The following CFAP99 variants were observed in gnomAD, a reference collection of about 807,000 sequenced individuals.
CFAP99 encodes cilia and flagella associated protein 99.
In CFAP99, 84 loss-of-function variants were observed where a neutral mutation model predicts 82.7. The observed-to-expected ratio is 1.02, with a 90% CI of 0.85 to 1.22. The LOEUF is 1.22. Among genes scored for constraint, CFAP99 ranks in the 50% most tolerant of loss-of-function variants. The pLI, the probability that CFAP99 is intolerant of heterozygous loss-of-function variation, is 0.00. For synonymous variants in CFAP99, 456 were observed against 429.5 expected, an observed-to-expected ratio of 1.06 and a Z score of -0.76; for missense variants, 1,059 against 983.5, an observed-to-expected ratio of 1.08 and a Z score of -1.03.
chr4:2,459,900 G>T, intron 13 of CFAP99, 137 bp from the exon 14 acceptor site: 1 of 740,722 alleles, frequency 1.4e-6, no homozygotes, highest in Non-Finnish European at 2.3e-6. Context: ...AGAGGCTGGG[G>T]GCATGTTTCA....
In CFAP99 at chr4:2,451,989, C is replaced by T. The variant is rs143860433; in HGVS notation, c.957-153C>T. Reference sequence around the variant, plus strand: ...ACCAGGGGATGGGTGGACAGTGGGTCGGGGATAGGAGGAAGGGCAGGCCAC... The same window carrying T: ...ACCAGGGGATGGGTGGACAGTGGGTTGGGGATAGGAGGAAGGGCAGGCCAC... On this transcript the variant is annotated intron_variant, in intron 10 of 14. Transcript: ENST00000635017. Among the ~76,000 whole-genome samples, 55 of 151,766 alleles carry T rather than the reference C, an allele frequency of 3.6e-4. No homozygotes were observed. The East Asian group carries it at 9.8e-3, about 27-fold the overall frequency.
At chr4:2,429,735 G>A (rs1413592092) in intron 2 of CFAP99, among the ~76,000 whole-genome samples, 1 of 152,112 alleles carries the variant, frequency 6.6e-6, no homozygotes, top group Admixed American at 6.5e-5. Flanking sequence ...GGGACTACAG[G>A]CGCCCGCCAC....
In CFAP99 at chr4:2,459,146, G is replaced by GCAGGGCGCAGGCAGCC; in HGVS notation, c.1348_1363dup (p.Glu455GlyfsTer13). ...GAGGAGAGCAGGGGGCTGCTGCAGC[G>GCAGGGCGCAGGCAGCC]CAGGGCGCAGGCAGCCCAGGAGGAG... On this transcript the variant is annotated frameshift_variant, in exon 13 of 15. Coordinates refer to ENST00000635017, the Ensembl canonical transcript of CFAP99. LOFTEE classifies it high-confidence loss of function. 2.6e-6 allele frequency: 4 copies of GCAGGGCGCAGGCAGCC among 1,534,402 alleles called. No homozygotes were observed. Among genetic ancestry groups the GCAGGGCGCAGGCAGCC allele is most frequent in the Non-Finnish European group, 1.7e-6 (2 of 1,146,084 alleles).
At chr4:2,450,434 G>T in intron 8 of CFAP99, 1 of 288,644 alleles carries the variant, frequency 3.5e-6, no homozygotes, top group Non-Finnish European at 6.7e-6. Context: ...CCCACCATGA[G>T]GGCAGGCCCG....
intron 4 of CFAP99, among the ~76,000 whole-genome samples, chr4:2,439,997 C>T (rs1244956225): frequency 1.3e-5 from 2 of 152,040 alleles, no homozygotes; most frequent in African/African-American, 4.8e-5. Flanking sequence ...CATGTGCCAT[C>T]ACGCCTGGCT....
At chr4:2,458,969 G>T in intron 12 of CFAP99, 105 bp downstream of exon 12, 1 of 1,455,796 alleles carries the variant, frequency 6.9e-7, no homozygotes, top group Non-Finnish European at 9.1e-7. Context: ...CAGGGTCAGG[G>T]ACCCCTTGAG....
intron 11 of CFAP99, among the ~76,000 whole-genome samples, chr4:2,458,454 T>C (rs1442458117): frequency 6.6e-6 from 1 of 152,048 alleles, no homozygotes; most frequent in East Asian, 1.9e-4. Flanking sequence ...TACAGCAAAG[T>C]ACCACAAACT....
intron 11 of CFAP99, among the ~76,000 whole-genome samples, chr4:2,457,637 C>T (rs1043428447): frequency 2.6e-5 from 4 of 152,082 alleles, no homozygotes; most frequent in Non-Finnish European, 4.4e-5. Context: ...TGCTTACTGC[C>T]TGGAAACCCT....
chr4:2,450,249 C>G, intron 8 of CFAP99: 1 of 560,816 alleles, frequency 1.8e-6, no homozygotes, highest in South Asian at 2.1e-5. Flanking sequence ...AAAGCACCTG[C>G]AGGTGCTGCC....
At chr4:2,449,532 G>A in intron 6 of CFAP99, 138 bp from the exon 7 acceptor site, 1 of 631,398 alleles carries the variant, frequency 1.6e-6, no homozygotes, top group Non-Finnish European at 2.7e-6. Flanking sequence ...GTTAGCTCCA[G>A]CCCTGTTTCT....
chr4:2,455,597 G>A (rs1734409643), intron 11 of CFAP99, among the ~76,000 whole-genome samples: 1 of 152,250 alleles, frequency 6.6e-6, no homozygotes, highest in Non-Finnish European at 1.5e-5. Flanking sequence ...GCTGAGGCAT[G>A]AGAATCGCTT....
intron 5 of CFAP99, among the ~76,000 whole-genome samples, chr4:2,444,893 G>A (rs952904807): frequency 3.9e-5 from 6 of 152,120 alleles, no homozygotes; most frequent in Non-Finnish European, 1.5e-5. Flanking sequence ...ATGCCTCTGG[G>A]CCTATTTCCT....
intron 1 of CFAP99, among the ~76,000 whole-genome samples, chr4:2,422,498 G>A (rs1578460312): frequency 6.6e-6 from 1 of 152,166 alleles, no homozygotes; most frequent in Admixed American, 6.5e-5. Flanking sequence ...TCACCAAAGG[G>A]TACCTAGGAT....
chr4:2,462,956 G>A (rs1734669503), downstream of CFAP99: 1 of 1,212,456 alleles, frequency 8.2e-7, no homozygotes, highest in Non-Finnish European at 1.0e-6. The surrounding 1 kb of genome is among the most constrained non-coding windows in gnomAD (Gnocchi z 4.1). Context: ...ACCCGCTTGC[G>A]GGCCACCCCC....
Position 2,452,354 on chromosome 4 carries a change from C to A in CFAP99, c.1161+8C>A, listed in dbSNP as rs772736295. The A allele has an allele frequency of 6.5e-7, 1 of 1,532,636 alleles. No individual in the cohort carries two copies. Among genetic ancestry groups the A allele is most frequent in the South Asian group, 1.2e-5 (1 of 83,936 alleles). The allele number at this position is 1,532,636 out of a possible 1,614,324, so 94.9% of individuals were successfully genotyped here. On this transcript the variant is annotated splice_region_variant and intron_variant, in intron 11 of 14. Transcript: ENST00000635017. Reference sequence around the variant, plus strand: ...GAGCAGCAGAAGGAGCAGGTGGGTGCCATGCAGGGCAGCTGGGCATGGGGC... The same window carrying A: ...GAGCAGCAGAAGGAGCAGGTGGGTGACATGCAGGGCAGCTGGGCATGGGGC...
rs1421310797 is a variant in CFAP99, at chr4:2,443,285, C to T, written c.464+43C>T. On this transcript the variant is annotated intron_variant, in intron 5 of 14. Coordinates refer to ENST00000635017, the Ensembl canonical transcript of CFAP99. ...CTCTGGGGGCCCTGAATGGCATCTGCACCCCATTCCAGGTGCCTCCACGGG... is the reference window on the plus strand; with the variant it reads ...CTCTGGGGGCCCTGAATGGCATCTGTACCCCATTCCAGGTGCCTCCACGGG... The T allele has an allele frequency of 1.8e-5, 23 of 1,299,362 alleles. 1 individual carries two copies. Among genetic ancestry groups the T allele is most frequent in the South Asian group, 1.1e-4 (9 of 78,984 alleles). 80.5% of individuals were successfully genotyped at this position (1,299,362 alleles called of 1,614,324 possible). A position where few individuals can be genotyped will look rare whatever the true frequency, so the allele number is the denominator to read the frequency against.
Position 2,426,676 on chromosome 4 carries a change from G to GACTGCCTTCCTAACA in CFAP99, c.111+101_111+102insAACAACTGCCTTCCT, listed in dbSNP as rs1319502461. 7 of 817,956 alleles carry GACTGCCTTCCTAACA rather than the reference G, an allele frequency of 8.6e-6. No homozygotes were observed. In the African/African-American group the frequency reaches 1.2e-4, roughly 14 times the overall value. The allele number at this position is 817,956 out of a possible 1,614,324, so 50.7% of individuals were successfully genotyped here. A position where few individuals can be genotyped will look rare whatever the true frequency, so the allele number is the denominator to read the frequency against. ...TAACAGCATCAAATGCCTTCCTAAC[G>GACTGCCTTCCTAACA]ACTGCCTTCCTTCCACATGGGGAGA... On this transcript the variant is annotated intron_variant, in intron 2 of 14. Transcript: ENST00000635017.
chr4:2,459,857 A>C (rs972551790), intron 13 of CFAP99, among the ~76,000 whole-genome samples, 180 bp from the exon 14 acceptor site: 1 of 152,218 alleles, frequency 6.6e-6, no homozygotes, highest in African/African-American at 2.4e-5. Context: ...GACCCACACA[A>C]GGTGTAGTGT....
chr4:2,451,698 T>C (rs3128840), intron 10 of CFAP99, among the ~76,000 whole-genome samples: 116,630 of 151,886 alleles, frequency 0.77, 44,848 homozygotes, highest in Admixed American at 0.79. Context: ...GCTTACCCCA[T>C]GCGGTGTGGT....
Sources: gnomAD v4.1 joint callset for allele counts (sites outside exome capture counted in the v4.1 genomes callset) on GRCh38, gnomAD v4.1.1 for gene constraint, Gnocchi (gnomAD v3.1) non-coding constraint, MANE v1.5 for transcripts, NCBI Gene and HGNC (gene_info 2026-07-23, HGNC 2026-07-21) for gene names.